PCSK5: variants seen among roughly 807,000 people sequenced by gnomAD.
PCSK5 encodes prohormone convertase 5.
A neutral mutation model predicts 233.2 loss-of-function variants in PCSK5; 129 were observed. The observed-to-expected ratio is 0.55, with a 90% CI of 0.48 to 0.64. PCSK5 has a LOEUF of 0.64. Among genes scored for constraint, PCSK5 ranks in the 30% least tolerant of loss-of-function variants. The probability of loss-of-function intolerance (pLI) is 0.00; values close to 1 mark genes in which losing one functional copy is unlikely to be tolerated. For missense variants in PCSK5, 2,076 were observed against 2,430.1 expected, an observed-to-expected ratio of 0.85 and a Z score of 3.06; for synonymous variants, 825 against 879.2, an observed-to-expected ratio of 0.94 and a Z score of 1.09.
At chr9:75,977,896 C>A (rs1273680868) in intron 2 of PCSK5, among the ~76,000 whole-genome samples, 4 of 151,892 alleles carry the variant, frequency 2.6e-5, no homozygotes, top group Non-Finnish European at 5.9e-5. Flanking sequence ...CAAGCTTGAG[C>A]CACCGCGCCC....
At chr9:76,227,474 G>A in intron 20 of PCSK5, 29 bp from the exon 21 acceptor site, 1 of 1,512,802 alleles carries the variant, frequency 6.6e-7, no homozygotes, top group Non-Finnish European at 9.1e-7. Flanking sequence ...ATGTAGAAAT[G>A]AAATAAACAA....
At chr9:75,953,464 G>A (rs962356785) in intron 2 of PCSK5, among the ~76,000 whole-genome samples, 11 of 152,168 alleles carry the variant, frequency 7.2e-5, no homozygotes, top group Admixed American at 1.3e-4. Context: ...AGAGACTGAT[G>A]AGGGGATGAA....
At chr9:76,136,410 A>G (rs969152689) in intron 10 of PCSK5, among the ~76,000 whole-genome samples, 1 of 152,050 alleles carries the variant, frequency 6.6e-6, no homozygotes, top group Non-Finnish European at 1.5e-5. Context: ...TGAAAGAACA[A>G]TAAAGAGCTA....
intron 7 of PCSK5, among the ~76,000 whole-genome samples, chr9:76,090,245 A>G (rs187706513): frequency 1.6e-4 from 24 of 152,064 alleles, no homozygotes; most frequent in Admixed American, 1.0e-3. Flanking sequence ...TGCACCCCAC[A>G]TTAAGATTTA....
intron 24 of PCSK5, among the ~76,000 whole-genome samples, chr9:76,285,287 T>C (rs1828028950): frequency 6.6e-6 from 1 of 152,170 alleles, no homozygotes; most frequent in African/African-American, 2.4e-5. Flanking sequence ...TGAGATTGTC[T>C]GGGAGAAGCA....
At chr9:76,064,173 CA>C (rs1830159758) in intron 5 of PCSK5, among the ~76,000 whole-genome samples, 1 of 123,138 alleles carries the variant, frequency 8.1e-6, no homozygotes. Flanking sequence ...GGCGGCTGGC[CA>C]GGCGGGGGGC....
chr9:75,986,269 C>A, intron 3 of PCSK5, 24 bp downstream of exon 3: 2 of 1,364,544 alleles, frequency 1.5e-6, no homozygotes, highest in Non-Finnish European at 2.1e-6. Flanking sequence ...GGAAGCCTGG[C>A]CTAGGGCCAT....
intron 20 of PCSK5, among the ~76,000 whole-genome samples, chr9:76,200,701 CT>C (rs1196536924): frequency 6.6e-6 from 1 of 152,086 alleles, no homozygotes; most frequent in Admixed American, 6.6e-5. Flanking sequence ...GAGAGAGAAC[CT>C]GAGCAAAGGC....
intron 9 of PCSK5, among the ~76,000 whole-genome samples, 161 bp downstream of exon 9, chr9:76,107,512 C>A (rs1283404447): frequency 2.6e-5 from 4 of 152,150 alleles, no homozygotes; most frequent in African/African-American, 9.7e-5. Flanking sequence ...AAAAAAAATT[C>A]CCCTATATTA....
intron 2 of PCSK5, among the ~76,000 whole-genome samples, chr9:75,972,555 T>G (rs533603212): frequency 7.5e-4 from 114 of 152,356 alleles, no homozygotes; most frequent in African/African-American, 2.7e-3. Flanking sequence ...TTGATTTTCT[T>G]GAGCAGTGGT....
At chr9:76,235,462 A>G (rs1826224325) in intron 22 of PCSK5, among the ~76,000 whole-genome samples, 2 of 152,020 alleles carry the variant, frequency 1.3e-5, no homozygotes, top group Admixed American at 6.6e-5. Context: ...CTACCTATAA[A>G]TGCACTGACA....
Position 76,295,214 on chromosome 9 carries a change from T to C in PCSK5, c.3186-61T>C. 2.1e-6 allele frequency: 3 copies of C among 1,458,674 alleles called. No individual in the cohort carries two copies. In the South Asian group the frequency reaches 3.8e-5, roughly 18 times the overall value. The allele number at this position is 1,458,674 out of a possible 1,614,324, so 90.4% of individuals were successfully genotyped here. A position where few individuals can be genotyped will look rare whatever the true frequency, so the allele number is the denominator to read the frequency against. On this transcript the variant is annotated intron_variant, in intron 25 of 37. Coordinates refer to ENST00000674117, the MANE Select transcript of PCSK5 (RefSeq NM_001372043.1). ...CATAGACATACATAAGGAGATTAAA[T>C]TATGGTGAAGAGAAATACATCAACA... is the stretch of plus-strand genomic sequence containing the variant.
chr9:76,119,679 G>A (rs1832559831), intron 9 of PCSK5, among the ~76,000 whole-genome samples: 1 of 151,940 alleles, frequency 6.6e-6, no homozygotes, highest in African/African-American at 2.4e-5. Context: ...CATAGTATGT[G>A]TATATATTTA....
chr9:76,093,021 G>A (rs1406600489), intron 7 of PCSK5, among the ~76,000 whole-genome samples: 4 of 149,158 alleles, frequency 2.7e-5, no homozygotes, highest in Non-Finnish European at 5.9e-5. Flanking sequence ...TTCACTTTAT[G>A]GTATGCATGG....
intron 5 of PCSK5, among the ~76,000 whole-genome samples, chr9:76,042,850 A>G (rs1394248221): frequency 2.0e-5 from 3 of 152,268 alleles, no homozygotes; most frequent in Admixed American, 1.3e-4. Context: ...TTTTTAATGA[A>G]CGTGCATCGC....
rs757550088 is a variant in PCSK5, at chr9:76,040,325, G to GTCTCTC, written c.632+13342_632+13347dup. ...TCTCACTCCCTTAGATGTGTTCTCT[G>GTCTCTC]TCTCTCTCTCTCTCTCTCTCTCTCT... is the stretch of plus-strand genomic sequence containing the variant. On this transcript the variant is annotated intron_variant, in intron 5 of 37. Transcript: ENST00000674117. Among the ~76,000 whole-genome samples, 108 of 79,018 alleles carry GTCTCTC rather than the reference G, an allele frequency of 1.4e-3. 2 individuals are homozygous for GTCTCTC. The highest frequency in any genetic ancestry group is 2.8e-3 in the East Asian group (6 of 2,174). 51.8% of individuals were successfully genotyped at this position (79,018 alleles called of 152,430 possible). A position where few individuals can be genotyped will look rare whatever the true frequency, so the allele number is the denominator to read the frequency against.
At chr9:75,990,206 G>A (rs1434196620) in intron 3 of PCSK5, among the ~76,000 whole-genome samples, 9 of 152,170 alleles carry the variant, frequency 5.9e-5, no homozygotes, top group Admixed American at 5.2e-4. Context: ...CTGCTGCAGT[G>A]TTTCTGACCT....
chr9:76,084,996 G>T (rs748042147), intron 7 of PCSK5, among the ~76,000 whole-genome samples: 1 of 152,162 alleles, frequency 6.6e-6, no homozygotes, highest in Non-Finnish European at 1.5e-5. Context: ...GTGGGCATGG[G>T]CATGAGCCTC....
intron 37 of PCSK5, among the ~76,000 whole-genome samples, chr9:76,356,328 G>A (rs556990722): frequency 6.6e-6 from 1 of 152,280 alleles, no homozygotes; most frequent in Admixed American, 6.5e-5. Flanking sequence ...AAGTATAAAT[G>A]CTCTTGATTA....
Sources: gnomAD v4.1 joint callset for allele counts (sites outside exome capture counted in the v4.1 genomes callset) on GRCh38, gnomAD v4.1.1 for gene constraint, MANE v1.5 for transcripts, NCBI Gene and HGNC (gene_info 2026-07-23, HGNC 2026-07-21) for gene names.